FAM151A: variants seen among roughly 807,000 people sequenced by gnomAD.
The protein encoded by FAM151A is family with sequence similarity 151 member A.
In FAM151A, 41 loss-of-function variants were observed where a neutral mutation model predicts 40.4. The ratio of observed to expected loss-of-function variants is 1.01; its 90% confidence interval spans 0.79 to 1.32. The LOEUF (loss-of-function observed/expected upper bound fraction) is 1.32, where lower values mean the gene tolerates loss of function less well. Ranked by LOEUF, FAM151A falls within the 40% of genes most tolerant of loss-of-function variation. The probability of loss-of-function intolerance (pLI) is 0.00; values close to 1 mark genes in which losing one functional copy is unlikely to be tolerated. For synonymous variants in FAM151A, 337 were observed against 312.5 expected (o/e 1.08, Z -0.83); for missense variants, 740 against 740.4 (o/e 1.00, Z 0.01).
chr1:54,609,512 C>T lies in FAM151A; in HGVS notation c.1514G>A (p.Trp505Ter), dbSNP rs1215556882. 1.2e-6 allele frequency: 2 copies of T among 1,613,110 alleles called. No individual in the cohort carries two copies. The highest frequency in any genetic ancestry group is 3.3e-5 in the Admixed American group (2 of 60,030). Residue 505 changes from tryptophan to a stop codon, truncating the protein, a stop_gained, in exon 8 of 8, where the codon TGG becomes TAG. Transcript: ENST00000302250. LOFTEE classifies it low-confidence loss of function (END_TRUNC). Reference protein sequence around the residue: ...TDMLELCQGLWQPVSFQMQAM... With the variant: ...TDMLELCQGL ...CTGCATCTGGAAGGACACAGGTTGC[C>T]AGAGCCCCTGGCACAACTCTAGCAT...
chr1:54,621,911 A>C (rs1411681638), intron 1 of FAM151A: 1 of 152,360 alleles, frequency 6.6e-6, no homozygotes, highest in Non-Finnish European at 1.5e-5. Flanking sequence ...ACTCCCAAGA[A>C]GGGCACAGGA....
rs188335483 is a variant in FAM151A, at chr1:54,616,329, G to A, written c.263-157C>T. 2.3e-4 allele frequency among the ~76,000 whole-genome samples: 35 copies of A among 152,154 alleles called. No individual in the cohort carries two copies. In the East Asian group the frequency reaches 2.5e-3, roughly 11 times the overall value. On this transcript the variant is annotated intron_variant, in intron 2 of 7. Transcript: ENST00000302250. ...CACTTCCATCATAGTTTCACATTTC[G>A]ATGATTTTTTTTCTTCCATTTTCTT...
chr1:54,619,247 A>G (rs1644204563), intron 2 of FAM151A, among the ~76,000 whole-genome samples: 1 of 152,206 alleles, frequency 6.6e-6, no homozygotes, highest in South Asian at 2.1e-4. Context: ...CATGTTCGTG[A>G]ACATTATCTA....
rs1196681613 is a variant in FAM151A at position 54,622,945 on chromosome 1, C to CA, written c.118+332dup. Among the ~76,000 whole-genome samples the CA allele has an allele frequency of 4.0e-5, 6 of 151,894 alleles. No homozygotes were observed. The South Asian group carries it at 1.2e-3, about 32-fold the overall frequency. ...ATCCCAGCACTTTGAGAGGCTGAGG[C>CA]AGGTGGATCACCTGAGGTCAGGAGT... On this transcript the variant is annotated intron_variant, in intron 1 of 7. Transcript: ENST00000302250.
Position 54,612,560 on chromosome 1 carries a change from G to C in FAM151A, c.726C>G (p.Val242=). The change falls in exon 5 of 8, where the codon GTC becomes GTG. Residue 242 remains valine, a synonymous_variant. Transcript: ENST00000302250. ...HELVGGVPQR[V]TFPVRSSMVR... is the part of the protein sequence containing the mutation. ...CCATGGAAGACCGTACAGGGAAGGT[G>C]ACCCTCTGGGGCACTCCTCCCACCA... 1 of 1,614,076 alleles carries C rather than the reference G, an allele frequency of 6.2e-7. No homozygotes were observed. Among genetic ancestry groups the C allele is most frequent in the Non-Finnish European group, 8.5e-7 (1 of 1,180,016 alleles).
intron 2 of FAM151A, among the ~76,000 whole-genome samples, chr1:54,618,466 G>C (rs1644197371): frequency 6.6e-6 from 1 of 152,054 alleles, no homozygotes; most frequent in African/African-American, 2.4e-5. Flanking sequence ...GATCACACCA[G>C]TGCACTCCAG....
In FAM151A at chr1:54,623,303, G is replaced by A. The variant is rs1446835050; in HGVS notation, c.93C>T (p.Val31=). 9 of 1,614,050 alleles carry A rather than the reference G, an allele frequency of 5.6e-6. No individual in the cohort carries two copies. The highest frequency in any genetic ancestry group is 8.5e-7 in the Non-Finnish European group (1 of 1,179,990). Residue 31 remains valine, a synonymous_variant, in exon 1 of 8, where the codon GTC becomes GTT. Coordinates refer to ENST00000302250, the MANE Select transcript of FAM151A (RefSeq NM_176782.3). Reference sequence around the variant, plus strand: ...CTGGCCGCCGCAGGGTGATGGCAAGGACTATTGCGGCAATGACCACCACAG... The same window carrying A: ...CTGGCCGCCGCAGGGTGATGGCAAGAACTATTGCGGCAATGACCACCACAG... ...CVSVVVIAAI[V]LAITLRRPGC...
chr1:54,609,182 GGAGAAAGCCAAA>G lies in FAM151A; in HGVS notation c.*74_*85del, dbSNP rs1462268987. On this transcript the variant is annotated 3_prime_UTR_variant, in exon 8 of 8. Coordinates refer to ENST00000302250, the MANE Select transcript of FAM151A (RefSeq NM_176782.3). ...CCCCAAGGACTCACATACAGTGCCT[GGAGAAAGCCAAA>G]GACCTTTATTTCTTCCTGCCTCCCC... The G allele has an allele frequency of 4.5e-5, 72 of 1,604,338 alleles. No individual in the cohort carries two copies. Among genetic ancestry groups the G allele is most frequent in the Non-Finnish European group, 6.0e-5 (70 of 1,174,808 alleles).
chr1:54,609,253 AC>A lies in FAM151A; in HGVS notation c.*14del. The A allele has an allele frequency of 6.3e-7, 1 of 1,596,010 alleles. No homozygotes were observed. The highest frequency in any genetic ancestry group is 8.6e-7 in the Non-Finnish European group (1 of 1,168,962). On this transcript the variant is annotated 3_prime_UTR_variant, in exon 8 of 8. Coordinates refer to ENST00000302250, the MANE Select transcript of FAM151A (RefSeq NM_176782.3). ...CCTCCGCCCTGAGGTCCGCTGGCCC[AC>A]CACCCCTGGGTGCTCAGTTTCTACC... is the stretch of plus-strand genomic sequence containing the variant.
At position 54,609,388 on chromosome 1, in the gene FAM151A, G is replaced by C. The variant is rs146179147; in HGVS notation, c.1638C>G (p.Gly546=). Residue 546 remains glycine, a synonymous_variant, in exon 8 of 8, where the codon GGC becomes GGG. Transcript: ENST00000302250. The stretch of plus-strand genomic sequence containing the variant: ...ATGCTGTCCTCACAGAGGCATAGTC[G>C]CCCCCAGCTGGGTTGTGCTCCACTG... ...TVTVEHNPAG[G]DYASVRTALL... is the part of the protein sequence containing the mutation. 5.0e-6 allele frequency: 8 copies of C among 1,613,924 alleles called. No homozygotes were observed. Among genetic ancestry groups the C allele is most frequent in the Non-Finnish European group, 5.1e-6 (6 of 1,180,024 alleles).
In FAM151A at chr1:54,623,271, C is replaced by CACCT; in HGVS notation, c.118+3_118+6dup. 1 of 1,606,360 alleles carries CACCT rather than the reference C, an allele frequency of 6.2e-7. No homozygotes were observed. Among genetic ancestry groups the CACCT allele is most frequent in the Non-Finnish European group, 8.5e-7 (1 of 1,173,522 alleles). ...CCACTCAGGATGACATGGGGGGAGG[C>CACCT]ACCTACCTGGCCGCCGCAGGGTGAT... is the stretch of plus-strand genomic sequence containing the variant. On this transcript the variant is annotated splice_region_variant and intron_variant, in intron 1 of 7. Transcript: ENST00000302250.
intron 1 of FAM151A, 114 bp from the exon 2 acceptor site, chr1:54,620,121 C>T: frequency 8.8e-7 from 1 of 1,142,416 alleles, no homozygotes; most frequent in Non-Finnish European, 1.2e-6. Context: ...CCCCATCTGG[C>T]AGAGGGACGG....
chr1:54,614,827 C>G lies in FAM151A; in HGVS notation c.448G>C (p.Val150Leu), dbSNP rs757193509. 1.1e-5 allele frequency: 18 copies of G among 1,614,150 alleles called. No individual in the cohort carries two copies. The highest frequency in any genetic ancestry group is 1.4e-5 in the Non-Finnish European group (16 of 1,180,016). Residue 150 changes from valine (V) to leucine (L), a missense_variant, in exon 4 of 8, where the codon GTG becomes CTG. Coordinates refer to ENST00000302250, the MANE Select transcript of FAM151A (RefSeq NM_176782.3). ...CGCAGGAGGTCCAGGGAGGGGCCCA[C>G]TGCCTTGATGTTCTTGAAGTCCAGT... ...IKLDFKNIKAVGPSLDLLRQL... is the reference protein window; with the variant it reads ...IKLDFKNIKALGPSLDLLRQL...
chr1:54,619,312 G>C (rs988820789), intron 2 of FAM151A, among the ~76,000 whole-genome samples: 1 of 152,192 alleles, frequency 6.6e-6, no homozygotes, highest in Non-Finnish European at 1.5e-5. Context: ...TCACGCAGTG[G>C]CTTGGAGCGT....
In FAM151A at chr1:54,611,704, G is replaced by T. The variant is rs137923187; in HGVS notation, c.842C>A (p.Ser281Ter). 187 of 1,614,098 alleles carry T rather than the reference G, an allele frequency of 1.2e-4. No individual in the cohort carries two copies. The highest frequency in any genetic ancestry group is 1.5e-4 in the Non-Finnish European group (173 of 1,180,008). ...TLWQAASDPM[S>*]VEDLLYVRDN... is the part of the protein sequence containing the mutation. ...CCGGACGTAGAGCAGATCTTCCACC[G>T]ACATGGGGTCCGAGGCAGCCTGCCA... The change falls in exon 6 of 8, where the codon TCG (serine) becomes TAG (stop). Residue 281 changes from serine (S) to a stop codon, truncating the protein, a stop_gained. Transcript: ENST00000302250. LOFTEE classifies it high-confidence loss of function.
chr1:54,612,397 T>TGTG, intron 5 of FAM151A, 89 bp downstream of exon 5: 1 of 959,178 alleles, frequency 1.0e-6, no homozygotes, highest in Middle Eastern at 2.3e-4. Context: ...CGAAATGACC[T>TGTG]TTAAGACCCT....
In FAM151A at chr1:54,609,219, C is replaced by T. The variant is rs368761147; in HGVS notation, c.*49G>A. 2.9e-5 allele frequency: 46 copies of T among 1,589,794 alleles called. No individual in the cohort carries two copies. The highest frequency in any genetic ancestry group is 1.2e-4 in the African/African-American group (9 of 74,368). On this transcript the variant is annotated 3_prime_UTR_variant, in exon 8 of 8. Coordinates refer to ENST00000302250, the MANE Select transcript of FAM151A (RefSeq NM_176782.3). Reference sequence around the variant, plus strand: ...AGACCTTTATTTCTTCCTGCCTCCCCGTGGGAAGCCTCCGCCCTGAGGTCC... The same window carrying T: ...AGACCTTTATTTCTTCCTGCCTCCCTGTGGGAAGCCTCCGCCCTGAGGTCC...
At chr1:54,614,421 T>A (rs1644149770) in intron 4 of FAM151A, among the ~76,000 whole-genome samples, 1 of 74,920 alleles carries the variant, frequency 1.3e-5, no homozygotes, top group South Asian at 8.4e-4. Flanking sequence ...GTCAGGGCTG[T>A]GTTAGAAGGA....
At position 54,610,530 on chromosome 1, in the gene FAM151A, G is replaced by C. The variant is rs766811270; in HGVS notation, c.966C>G (p.Tyr322Ter). Reference sequence around the variant, plus strand: ...GAGGGATCAGGCTGCCTCCCGTGTAGTACATTGGTTTCCGTGTGGCATTCA... The same window carrying C: ...GAGGGATCAGGCTGCCTCCCGTGTACTACATTGGTTTCCGTGTGGCATTCA... ...LALNATRKPMYYTGGSLIPLL... is the reference protein window; with the variant it reads ...LALNATRKPM Residue 322 changes from tyrosine to a stop codon, truncating the protein, a stop_gained, in exon 7 of 8, where the codon TAC becomes TAG. Transcript: ENST00000302250. LOFTEE classifies it high-confidence loss of function. The C allele has an allele frequency of 4.3e-6, 7 of 1,613,060 alleles. No homozygotes were observed. In the Admixed American group the frequency reaches 1.2e-4, roughly 27 times the overall value.
Sources: allele counts gnomAD v4.1 joint callset (sites outside exome capture counted in the v4.1 genomes callset), GRCh38; gene constraint gnomAD v4.1.1; transcripts MANE v1.5; gene names NCBI Gene and HGNC (gene_info 2026-07-23, HGNC 2026-07-21).